Variants in MOGAT1 observed in about 807,000 individuals in gnomAD.
The protein encoded by MOGAT1 is monoacylglycerol O-acyltransferase 1, also known as 2-acylglycerol O-acyltransferase 1.
In MOGAT1, 32 loss-of-function variants were observed where a neutral mutation model predicts 31.4. The observed-to-expected ratio is 1.02, with a 90% CI of 0.77 to 1.37. The LOEUF (loss-of-function observed/expected upper bound fraction) is 1.37, where lower values mean the gene tolerates loss of function less well. Ranked by LOEUF, MOGAT1 falls within the 40% of genes most tolerant of loss-of-function variation. MOGAT1 has a pLI of 0.00. For missense variants in MOGAT1, 426 were observed against 402.0 expected, an observed-to-expected ratio of 1.06 and a Z score of -0.51; for synonymous variants, 145 against 144.5, an observed-to-expected ratio of 1.00 and a Z score of -0.03.
At chr2:222,704,128 G>A (rs551197571) in intron 5 of MOGAT1, among the ~76,000 whole-genome samples, 1 of 152,322 alleles carries the variant, frequency 6.6e-6, no homozygotes, top group South Asian at 2.1e-4. Context: ...GGCGTTGGCA[G>A]CTTTTTTTCC....
chr2:222,671,778 G>A lies in MOGAT1; in HGVS notation c.-8G>A, dbSNP rs1387609051. The A allele has an allele frequency of 3.9e-6, 6 of 1,549,856 alleles. No homozygotes were observed. The highest frequency in any genetic ancestry group is 1.4e-5 in the African/African-American group (1 of 73,034). ...CAGTGGCTGGCGCCGTCCTCGCCCG[G>A]CCAGGCCATGAAGGTAGAGTTTGCA... On this transcript the variant is annotated 5_prime_UTR_variant, in exon 1 of 6. Transcript: ENST00000446656.
At chr2:222,676,052 A>G (rs893991293) in intron 1 of MOGAT1, among the ~76,000 whole-genome samples, 1 of 152,140 alleles carries the variant, frequency 6.6e-6, no homozygotes, top group Non-Finnish European at 1.5e-5. Context: ...CTTGGAATAT[A>G]TTTTAAAGTA....
chr2:222,687,447 T>A (rs1288995212), intron 1 of MOGAT1, among the ~76,000 whole-genome samples: 13 of 152,206 alleles, frequency 8.5e-5, no homozygotes, highest in African/African-American at 3.1e-4. Flanking sequence ...TATGTCTTCA[T>A]GAACATTCTC....
intron 1 of MOGAT1, among the ~76,000 whole-genome samples, chr2:222,674,203 C>T (rs930085729): frequency 3.3e-5 from 5 of 152,204 alleles, no homozygotes; most frequent in Non-Finnish European, 1.5e-5. Flanking sequence ...TTGAATCAAA[C>T]TACAGTGGTT....
At chr2:222,684,165 A>G (rs1316926892) in intron 1 of MOGAT1, among the ~76,000 whole-genome samples, 1 of 152,126 alleles carries the variant, frequency 6.6e-6, no homozygotes, top group Non-Finnish European at 1.5e-5. Flanking sequence ...ACACTTTGGG[A>G]GGCCTAGGTG....
chr2:222,707,678 A>G (rs1449286565), intron 5 of MOGAT1, among the ~76,000 whole-genome samples: 1 of 152,216 alleles, frequency 6.6e-6, no homozygotes, highest in African/African-American at 2.4e-5. Flanking sequence ...TCTACTATGT[A>G]TAAATGTGAC....
At chr2:222,693,878 T>C (rs560488689) in intron 3 of MOGAT1, among the ~76,000 whole-genome samples, 3 of 152,298 alleles carry the variant, frequency 2.0e-5, no homozygotes, top group Admixed American at 6.5e-5. Context: ...TAATGATCCA[T>C]ATAGAATATC....
chr2:222,693,911 C>T (rs772348184), intron 3 of MOGAT1, among the ~76,000 whole-genome samples: 13 of 152,110 alleles, frequency 8.5e-5, no homozygotes, highest in Non-Finnish European at 1.6e-4. Context: ...ATTATATATT[C>T]AGAAAATCCA....
chr2:222,700,849 G>A lies in MOGAT1; in HGVS notation c.853+5561G>A, dbSNP rs1692907769. Among the ~76,000 whole-genome samples the A allele has an allele frequency of 3.9e-5, 6 of 152,184 alleles. No individual in the cohort carries two copies. In the South Asian group the frequency reaches 1.2e-3, roughly 32 times the overall value. On this transcript the variant is annotated intron_variant, in intron 5 of 5. Transcript: ENST00000446656. ...AAATCATGCACTTGAAATGCAGTGT[G>A]GCTTCATTGCTGACTCCCTGACGTG... is the stretch of plus-strand genomic sequence containing the variant.
chr2:222,676,549 C>T (rs1026893517), intron 1 of MOGAT1, among the ~76,000 whole-genome samples: 5 of 152,184 alleles, frequency 3.3e-5, no homozygotes, highest in Non-Finnish European at 7.3e-5. Context: ...CCACTGTGAA[C>T]TTTCACCTAC....
chr2:222,699,498 T>TTTC (rs1451005385), intron 5 of MOGAT1: 3 of 136,514 alleles, frequency 2.2e-5, no homozygotes, highest in Non-Finnish European at 4.7e-5. Context: ...TTCTTTTTTT[T>TTTC]TTTTTTTTTT....
intron 1 of MOGAT1, among the ~76,000 whole-genome samples, chr2:222,686,612 T>A (rs1483961219): frequency 6.6e-6 from 1 of 152,138 alleles, no homozygotes; most frequent in African/African-American, 2.4e-5. Flanking sequence ...CAGAGGGCAC[T>A]CTTTACAGCA....
chr2:222,698,566 C>T (rs1692870743), intron 5 of MOGAT1: 1 of 152,202 alleles, frequency 6.6e-6, no homozygotes, highest in African/African-American at 2.4e-5. Context: ...CTCGAGTAGC[C>T]CTTGCACTGG....
intron 3 of MOGAT1, among the ~76,000 whole-genome samples, chr2:222,691,462 G>A (rs1158845665): frequency 6.6e-6 from 1 of 152,152 alleles, no homozygotes; most frequent in Non-Finnish European, 1.5e-5. Context: ...ACCCAGCTCG[G>A]CCTCCCAAAG....
At chr2:222,693,394 A>G (rs2106039228) in intron 3 of MOGAT1, among the ~76,000 whole-genome samples, 1 of 151,674 alleles carries the variant, frequency 6.6e-6, no homozygotes, top group Admixed American at 6.6e-5. Flanking sequence ...GTCAGACTAT[A>G]CTTATTGGAA....
At chr2:222,680,319 A>G (rs1692558202) in intron 1 of MOGAT1, among the ~76,000 whole-genome samples, 2 of 152,252 alleles carry the variant, frequency 1.3e-5, no homozygotes, top group African/African-American at 2.4e-5. Context: ...GATTTAGAAC[A>G]TGGGGCTGGT....
intron 5 of MOGAT1, among the ~76,000 whole-genome samples, chr2:222,703,228 T>C: frequency 6.6e-6 from 1 of 152,198 alleles, no homozygotes; most frequent in East Asian, 1.9e-4. Flanking sequence ...AGAGTTATTT[T>C]AATAAGGTCT....
intron 3 of MOGAT1, among the ~76,000 whole-genome samples, chr2:222,692,658 C>T (rs562345372): frequency 7.0e-4 from 107 of 152,228 alleles, no homozygotes; most frequent in African/African-American, 2.5e-3. Context: ...GATCTCCTGA[C>T]AGATGGATTT....
Position 222,686,268 on chromosome 2 carries a change from C to T in MOGAT1, c.95-2076C>T, listed in dbSNP as rs867078396. Among the ~76,000 whole-genome samples, 7 of 152,268 alleles carry T rather than the reference C, an allele frequency of 4.6e-5. 1 individual carries two copies. The highest frequency in any genetic ancestry group is 6.8e-3 in the Middle Eastern group (2 of 294). On this transcript the variant is annotated intron_variant, in intron 1 of 5. Coordinates refer to ENST00000446656, the MANE Select transcript of MOGAT1 (RefSeq NM_058165.3). Reference sequence around the variant, plus strand: ...GATCCAGCTGCAAATCCTTTGGACGCTCAAATTCCCTGAGCCTCAGTTTCT... The same window carrying T: ...GATCCAGCTGCAAATCCTTTGGACGTTCAAATTCCCTGAGCCTCAGTTTCT...
Sources: allele counts gnomAD v4.1 joint callset (sites outside exome capture counted in the v4.1 genomes callset), GRCh38; gene constraint gnomAD v4.1.1; transcripts MANE v1.5; gene names NCBI Gene and HGNC (gene_info 2026-07-23, HGNC 2026-07-21).